The following MCTP1 variants were observed in gnomAD, a reference collection of about 807,000 sequenced individuals.
MCTP1 encodes the protein multiple C2 and transmembrane domain containing 1.
In MCTP1, 69 loss-of-function variants were observed where a neutral mutation model predicts 120.6. That is an observed-to-expected ratio of 0.57 (90% CI 0.47 to 0.70). The LOEUF is 0.70. Among genes scored for constraint, MCTP1 ranks in the 30% least tolerant of loss-of-function variants. The pLI, the probability that MCTP1 is intolerant of heterozygous loss-of-function variation, is 0.00. For missense variants in MCTP1, 1,203 were observed against 1,248.8 expected (o/e 0.96, Z 0.55); for synonymous variants, 529 against 493.1 (o/e 1.07, Z -0.96).
chr5:95,065,840 C>T (rs1582117249), intron 1 of MCTP1, among the ~76,000 whole-genome samples: 1 of 152,256 alleles, frequency 6.6e-6, no homozygotes, highest in East Asian at 1.9e-4. Context: ...CCCAATTTCT[C>T]AGCATATACA....
At chr5:94,924,667 T>G (rs1226456136) in intron 6 of MCTP1, among the ~76,000 whole-genome samples, 3 of 152,162 alleles carry the variant, frequency 2.0e-5, no homozygotes, top group African/African-American at 7.2e-5. Context: ...CAATTCAACT[T>G]TGGGAAATAA....
intron 1 of MCTP1, among the ~76,000 whole-genome samples, chr5:95,257,800 C>CACAT (rs140380740): frequency 2.6e-4 from 39 of 150,838 alleles, no homozygotes; most frequent in East Asian, 2.0e-3. Context: ...AAAACATACA[C>CACAT]ACACACACAC....
chr5:95,103,096 CTG>C (rs1010644569), intron 1 of MCTP1, among the ~76,000 whole-genome samples: 2 of 151,734 alleles, frequency 1.3e-5, no homozygotes, highest in South Asian at 2.1e-4. Flanking sequence ...TTAACAAAGA[CTG>C]TTATTATTGT....
At chr5:95,252,087 A>G (rs1412217982) in intron 1 of MCTP1, among the ~76,000 whole-genome samples, 1 of 152,154 alleles carries the variant, frequency 6.6e-6, no homozygotes, top group East Asian at 1.9e-4. Flanking sequence ...TTATATAGCC[A>G]AGCAGATACA....
intron 1 of MCTP1, among the ~76,000 whole-genome samples, chr5:95,047,399 G>T (rs1744831783): frequency 6.6e-6 from 1 of 152,098 alleles, no homozygotes; most frequent in Admixed American, 6.5e-5. Flanking sequence ...TGAAAGTCAA[G>T]TCCTGGGAAG....
At chr5:94,879,683 A>C (rs918837865) in intron 12 of MCTP1, among the ~76,000 whole-genome samples, 1 of 152,150 alleles carries the variant, frequency 6.6e-6, no homozygotes, top group Non-Finnish European at 1.5e-5. Context: ...AAGATTATGT[A>C]GCCCTTGGAA....
intron 17 of MCTP1, among the ~76,000 whole-genome samples, chr5:94,865,304 T>C (rs1391456539): frequency 6.6e-6 from 1 of 151,940 alleles, no homozygotes; most frequent in African/African-American, 2.4e-5. Flanking sequence ...TATTTCATTA[T>C]TCTACATTTA....
At chr5:94,721,669 T>C (rs1237490707) in intron 19 of MCTP1, among the ~76,000 whole-genome samples, 1 of 152,186 alleles carries the variant, frequency 6.6e-6, no homozygotes, top group Admixed American at 6.6e-5. Context: ...ATAATGGAAT[T>C]GCTGTGTTGC....
rs538454666 is a variant in MCTP1 at position 95,070,277 on chromosome 5, C to T, written c.721-52793G>A. Reference sequence around the variant, plus strand: ...TCACCCTCTGAGGAAGGAGCAGGAGCTGCAGTGTTGCTGCTGGCAGTGTCC... The same window carrying T: ...TCACCCTCTGAGGAAGGAGCAGGAGTTGCAGTGTTGCTGCTGGCAGTGTCC... On this transcript the variant is annotated intron_variant, in intron 1 of 22. Coordinates refer to ENST00000515393, the MANE Select transcript of MCTP1 (RefSeq NM_024717.7). Among the ~76,000 whole-genome samples the T allele has an allele frequency of 2.0e-5, 3 of 152,374 alleles. No homozygotes were observed. In the East Asian group the frequency reaches 5.8e-4, roughly 29 times the overall value.
chr5:94,945,789 G>C (rs1311957471), intron 3 of MCTP1, among the ~76,000 whole-genome samples: 1 of 152,186 alleles, frequency 6.6e-6, no homozygotes, highest in Non-Finnish European at 1.5e-5. Context: ...CCCCATGATG[G>C]GAAAAGTGTG....
At chr5:95,018,032 T>C (rs1055009138) in intron 1 of MCTP1, among the ~76,000 whole-genome samples, 4 of 152,110 alleles carry the variant, frequency 2.6e-5, no homozygotes, top group African/African-American at 9.7e-5. Context: ...TTGCAAGAAA[T>C]ATATTCTCGA....
rs77131088 is a variant in MCTP1, at chr5:95,240,805, C to G, written c.720+43051G>C. On this transcript the variant is annotated intron_variant, in intron 1 of 22. Transcript: ENST00000515393. ...CTAAACATTCCTCTACCTTTAGAAT[C>G]TCTTATCTTCCTTTTATTATCCACA... is the stretch of plus-strand genomic sequence containing the variant. Among the ~76,000 whole-genome samples, 1,102 of 152,162 alleles carry G rather than the reference C, an allele frequency of 7.2e-3. 12 individuals carry two copies. The highest frequency in any genetic ancestry group is 0.03 in the South Asian group (146 of 4,816).
intron 1 of MCTP1, among the ~76,000 whole-genome samples, chr5:95,248,497 C>T (rs189832167): frequency 6.6e-6 from 1 of 152,228 alleles, no homozygotes; most frequent in East Asian, 1.9e-4. Flanking sequence ...GAACTACAAA[C>T]CACTGCTCAA....
chr5:95,232,350 A>ATAT (rs1755058264), intron 1 of MCTP1, among the ~76,000 whole-genome samples: 1 of 152,044 alleles, frequency 6.6e-6, no homozygotes, highest in African/African-American at 2.4e-5. Context: ...ATCAATAATA[A>ATAT]TATTAAATAT....
At chr5:95,230,790 T>C (rs1754847857) in intron 1 of MCTP1, among the ~76,000 whole-genome samples, 1 of 152,202 alleles carries the variant, frequency 6.6e-6, no homozygotes, top group African/African-American at 2.4e-5. Flanking sequence ...ATGAAGTGAA[T>C]TTGACGTGAA....
At chr5:94,772,902 A>C (rs1174791279) in intron 19 of MCTP1, among the ~76,000 whole-genome samples, 1 of 152,192 alleles carries the variant, frequency 6.6e-6, no homozygotes, top group Admixed American at 6.5e-5. Context: ...CCACTTGTCT[A>C]TATCCTTTAG....
At chr5:95,020,396 ATATT>A (rs1417352373) in intron 1 of MCTP1, among the ~76,000 whole-genome samples, 1 of 152,032 alleles carries the variant, frequency 6.6e-6, no homozygotes, top group Non-Finnish European at 1.5e-5. Context: ...CTCCGGACTT[ATATT>A]TATTTGCTGT....
chr5:95,170,696 GT>G (rs1298637519), intron 1 of MCTP1, among the ~76,000 whole-genome samples: 1 of 152,018 alleles, frequency 6.6e-6, no homozygotes, highest in Non-Finnish European at 1.5e-5. Context: ...ATCTTTGTTG[GT>G]TTAAAGTCTG....
chr5:94,943,686 G>A (rs929592814), intron 3 of MCTP1, among the ~76,000 whole-genome samples: 3 of 152,048 alleles, frequency 2.0e-5, no homozygotes, highest in African/African-American at 2.4e-5. Context: ...TAGATGATAT[G>A]TGGTTACAAA....
Sources: allele counts gnomAD v4.1 joint callset (sites outside exome capture counted in the v4.1 genomes callset), GRCh38; gene constraint gnomAD v4.1.1; transcripts MANE v1.5; gene names NCBI Gene and HGNC (gene_info 2026-07-23, HGNC 2026-07-21).